Variants in ERBB4 observed in about 807,000 individuals in gnomAD.
ERBB4 encodes erb-b2 receptor tyrosine kinase 4.
ERBB4 carries 42 observed loss-of-function variants against 158.0 expected under a neutral mutation model. The ratio of observed to expected loss-of-function variants is 0.27; its 90% CI spans 0.21 to 0.34. The LOEUF (loss-of-function observed/expected upper bound fraction) is 0.34. Among genes scored for constraint, ERBB4 ranks in the 10% least tolerant of loss-of-function variants. The pLI is 1.00. For missense variants in ERBB4, 1,333 were observed against 1,624.1 expected (o/e 0.82, Z 3.08); for synonymous variants, 583 against 558.7 (o/e 1.04, Z -0.61).
chr2:211,463,009 T>G (rs921636107), intron 20 of ERBB4, among the ~76,000 whole-genome samples: 1 of 152,182 alleles, frequency 6.6e-6, no homozygotes, highest in Non-Finnish European at 1.5e-5. Flanking sequence ...AATATTCCAC[T>G]GCTGTATTGT....
intron 20 of ERBB4, among the ~76,000 whole-genome samples, chr2:211,452,594 T>TA (rs895795046): frequency 2.0e-4 from 31 of 152,118 alleles, no homozygotes; most frequent in African/African-American, 7.2e-4. Flanking sequence ...ATTGATACAC[T>TA]AAAAAAAATT....
chr2:212,075,889 CA>C (rs2078259618), intron 2 of ERBB4, among the ~76,000 whole-genome samples: 1 of 151,888 alleles, frequency 6.6e-6, no homozygotes, highest in Non-Finnish European at 1.5e-5. Flanking sequence ...AAGTTTCCAA[CA>C]TTTTTTATTT....
rs372428297 is a variant in ERBB4 at position 211,679,201 on chromosome 2, T to C, written c.1490-17A>G. ...CTTCAGCAGCTGTGAAACACCAAAATCAAGGGGAAATAAAACAGAGGATTG... is the reference window on the plus strand; with the variant it reads ...CTTCAGCAGCTGTGAAACACCAAAACCAAGGGGAAATAAAACAGAGGATTG... On this transcript the variant is annotated splice_polypyrimidine_tract_variant and intron_variant, in intron 12 of 27. Transcript: ENST00000342788. 4 of 1,612,826 alleles carry C rather than the reference T, an allele frequency of 2.5e-6. No homozygotes were observed. Among genetic ancestry groups the C allele is most frequent in the Non-Finnish European group, 2.5e-6 (3 of 1,179,198 alleles).
chr2:212,308,430 C>A (rs893969359), intron 1 of ERBB4, among the ~76,000 whole-genome samples: 1 of 150,982 alleles, frequency 6.6e-6, no homozygotes, highest in Non-Finnish European at 1.5e-5. Flanking sequence ...TTAGAACTGG[C>A]ATTTTCTCTA....
chr2:212,202,275 A>C (rs1419348915), intron 1 of ERBB4, among the ~76,000 whole-genome samples: 1 of 152,152 alleles, frequency 6.6e-6, no homozygotes, highest in Non-Finnish European at 1.5e-5. Context: ...TTTATTCACT[A>C]AGTATTTATT....
At position 211,507,860 on chromosome 2, in the gene ERBB4, C is replaced by G. The variant is rs987352127; in HGVS notation, c.2487+54043G>C. Among the ~76,000 whole-genome samples the G allele has an allele frequency of 2.6e-5, 4 of 152,032 alleles. No individual in the cohort carries two copies. The East Asian group carries it at 5.8e-4, about 22-fold the overall frequency. On this transcript the variant is annotated intron_variant, in intron 20 of 27. Transcript: ENST00000342788. The stretch of plus-strand genomic sequence containing the variant: ...CTACAACCATCTGATCTTTGACAAA[C>G]CTGACAAAAACAAGCAATGGAGAAA...
At chr2:211,422,237 C>A in intron 23 of ERBB4, 133 bp from the exon 24 acceptor site, 9 of 639,174 alleles carry the variant, frequency 1.4e-5, no homozygotes, top group African/African-American at 1.8e-5. Flanking sequence ...AGAAAGCAAG[C>A]TAGTGAAAGA....
At chr2:211,670,247 T>A (rs958136813) in intron 14 of ERBB4, among the ~76,000 whole-genome samples, 2 of 152,138 alleles carry the variant, frequency 1.3e-5, no homozygotes, top group African/African-American at 4.8e-5. Flanking sequence ...TATGAATCAT[T>A]AAGGGTTGAA....
intron 3 of ERBB4, among the ~76,000 whole-genome samples, chr2:211,861,085 A>T (rs1559585678): frequency 7.0e-4 from 29 of 41,528 alleles, no homozygotes; most frequent in South Asian, 1.7e-3. Context: ...TATATATTAT[A>T]AAATATATAA....
At chr2:211,450,848 T>G (rs1245959219) in intron 20 of ERBB4, among the ~76,000 whole-genome samples, 1 of 152,186 alleles carries the variant, frequency 6.6e-6, no homozygotes, top group Non-Finnish European at 1.5e-5. Context: ...GTTACTTACC[T>G]GTTGTCTGTT....
chr2:211,678,026 A>G (rs1329129388), intron 13 of ERBB4, among the ~76,000 whole-genome samples: 1 of 152,190 alleles, frequency 6.6e-6, no homozygotes, highest in East Asian at 1.9e-4. Flanking sequence ...ATGTTATGAT[A>G]AAGTGATTTT....
At chr2:211,763,823 T>C (rs1460212217) in intron 4 of ERBB4, among the ~76,000 whole-genome samples, 1 of 151,836 alleles carries the variant, frequency 6.6e-6, no homozygotes, top group Non-Finnish European at 1.5e-5. Context: ...CCAAGACTCA[T>C]CGTATGTTAC....
At chr2:212,035,268 C>T (rs2076987672) in intron 2 of ERBB4, among the ~76,000 whole-genome samples, 1 of 152,138 alleles carries the variant, frequency 6.6e-6, no homozygotes, top group Admixed American at 6.5e-5. Flanking sequence ...TATCTCATTC[C>T]TCTGTCCCCA....
chr2:212,536,444 C>T (rs1026631853), intron 1 of ERBB4, among the ~76,000 whole-genome samples: 1 of 152,260 alleles, frequency 6.6e-6, no homozygotes, highest in Middle Eastern at 3.4e-3. Flanking sequence ...TCATCTGGAT[C>T]ACTTTGTGTT....
intron 15 of ERBB4, among the ~76,000 whole-genome samples, chr2:211,659,091 A>G (rs1219219249): frequency 2.0e-5 from 3 of 152,138 alleles, no homozygotes; most frequent in Non-Finnish European, 2.9e-5. Context: ...AAAGGTGCCA[A>G]TGTATAAGGC....
intron 20 of ERBB4, among the ~76,000 whole-genome samples, chr2:211,551,574 A>G (rs1196349834): frequency 6.6e-6 from 1 of 152,214 alleles, no homozygotes. Context: ...TCTCTATTAC[A>G]TGACTGAATA....
intron 2 of ERBB4, among the ~76,000 whole-genome samples, chr2:212,075,143 A>ATTT (rs1559448385): frequency 3.3e-5 from 5 of 152,076 alleles, no homozygotes; most frequent in Admixed American, 1.3e-4. Context: ...AAAGCACTTA[A>ATTT]AAAATATAAA....
intron 1 of ERBB4, among the ~76,000 whole-genome samples, chr2:212,270,970 G>T (rs1471450846): frequency 6.6e-6 from 1 of 151,760 alleles, no homozygotes; most frequent in African/African-American, 2.4e-5. Context: ...CTGTCCCAGA[G>T]AATGAGATAA....
intron 1 of ERBB4, among the ~76,000 whole-genome samples, chr2:212,526,257 A>G (rs746555946): frequency 2.0e-5 from 3 of 152,058 alleles, no homozygotes; most frequent in African/African-American, 7.2e-5. Flanking sequence ...GCTACATGCC[A>G]TTCTATTTGT....
Sources: allele counts gnomAD v4.1 joint callset (sites outside exome capture counted in the v4.1 genomes callset), GRCh38; gene constraint gnomAD v4.1.1; transcripts MANE v1.5; gene names NCBI Gene and HGNC (gene_info 2026-07-23, HGNC 2026-07-21).